Variants in GPT observed in about 807,000 individuals in gnomAD.
The protein encoded by GPT is alanine aminotransferase 1.
GPT carries 60 observed loss-of-function variants against 51.4 expected under a neutral mutation model. The ratio of observed to expected loss-of-function variants is 1.17; its 90% confidence interval spans 0.95 to 1.45. GPT has a LOEUF of 1.45. GPT is among the 40% of genes most tolerant of loss of function. The pLI is 0.00. For missense variants in GPT, 853 were observed against 704.0 expected (o/e 1.21, Z -2.40); for synonymous variants, 397 against 303.1 (o/e 1.31, Z -3.22).
chr8:144,504,843 G>C lies in GPT; in HGVS notation c.325G>C (p.Glu109Gln). 6.2e-7 allele frequency: 1 copy of C among 1,613,526 alleles called. No individual in the cohort carries two copies. Among genetic ancestry groups the C allele is most frequent in the Non-Finnish European group, 8.5e-7 (1 of 1,180,014 alleles). ...CCCTGACGATGCCAAGAAAAGGGCGGAGCGCATCTTGCAGGCGTGTGGGGG... is the reference window on the plus strand; with the variant it reads ...CCCTGACGATGCCAAGAAAAGGGCGCAGCGCATCTTGCAGGCGTGTGGGGG... ...NFPDDAKKRA[E>Q]RILQACGGHS... The change falls in exon 3 of 11, where the codon GAG (glutamate) becomes CAG (glutamine). Residue 109 changes from glutamate to glutamine, a missense_variant. By Grantham distance (29) the Glu-to-Gln change is conservative. Coordinates refer to ENST00000394955, the MANE Select transcript of GPT (RefSeq NM_005309.3).
In GPT at chr8:144,504,369, C is replaced by T. The variant is rs201413052; in HGVS notation, c.65C>T (p.Thr22Met). The T allele has an allele frequency of 4.5e-5, 73 of 1,611,536 alleles. No individual in the cohort carries two copies. Among genetic ancestry groups the T allele is most frequent in the South Asian group, 1.9e-4 (17 of 91,084 alleles). ...VRHGLRAKVL[T>M]LDGMNPRVRR... The stretch of plus-strand genomic sequence containing the variant: ...CATGGACTGAGGGCGAAGGTGCTGA[C>T]GCTGGACGGCATGAACCCGCGTGTG... Residue 22 changes from threonine (T) to methionine (M), a missense_variant, in exon 1 of 11, where the codon ACG becomes ATG. Transcript: ENST00000394955.
chr8:144,506,987 T>C lies in GPT; in HGVS notation c.1478T>C (p.Leu493Pro), dbSNP rs1244666753. ...KLSRFHAKFTLEYS is the reference protein window; with the variant it reads ...KLSRFHAKFTPEYS ...AGCAGGTTCCATGCCAAGTTCACCC[T>C]CGAGTACTCCTGAGCACCCCAGCTG... Residue 493 changes from leucine to proline, a missense_variant, in exon 11 of 11, where the codon CTC becomes CCC. By Grantham distance (98) the Leu-to-Pro change is moderately conservative. Coordinates refer to ENST00000394955, the MANE Select transcript of GPT (RefSeq NM_005309.3). The surrounding 1 kb of genome is among the most constrained non-coding windows in gnomAD (Gnocchi z 7.0). 2 of 1,611,936 alleles carry C rather than the reference T, an allele frequency of 1.2e-6. No individual in the cohort carries two copies. Among genetic ancestry groups the C allele is most frequent in the Non-Finnish European group, 1.7e-6 (2 of 1,179,458 alleles).
In GPT at chr8:144,504,786, G is replaced by A. The variant is rs745778805; in HGVS notation, c.268G>A (p.Val90Ile). 3 of 1,613,704 alleles carry A rather than the reference G, an allele frequency of 1.9e-6. No homozygotes were observed. The highest frequency in any genetic ancestry group is 2.5e-6 in the Non-Finnish European group (3 of 1,180,012). The change falls in exon 3 of 11, where the codon GTT becomes ATT. Residue 90 changes from valine to isoleucine, a missense_variant. Val to Ile is a conservative substitution (Grantham distance 29, BLOSUM62 3). Coordinates refer to ENST00000394955, the MANE Select transcript of GPT (RefSeq NM_005309.3). ...GTCTTCCCAGGTCTTGGCCCTCTGTGTTAACCCTGATCTTCTGAGCAGCCC... is the reference window on the plus strand; with the variant it reads ...GTCTTCCCAGGTCTTGGCCCTCTGTATTAACCCTGATCTTCTGAGCAGCCC... ...TFLRQVLALC[V>I]NPDLLSSPNF...
Position 144,506,343 on chromosome 8 carries a change from C to A in GPT, c.1068C>A (p.Ala356=), listed in dbSNP as rs749577737. Residue 356 remains alanine, a synonymous_variant, in exon 8 of 11, where the codon GCC becomes GCA. Transcript: ENST00000394955. The surrounding 1 kb of genome is among the most constrained non-coding windows in gnomAD (Gnocchi z 7.0). ...TGTGCCCGCCGGTGCCAGGACAGGCCCTGCTGGACCTGGTGGTCAGCCCGC... is the reference window on the plus strand; with the variant it reads ...TGTGCCCGCCGGTGCCAGGACAGGCACTGCTGGACCTGGTGGTCAGCCCGC... ...VRLCPPVPGQ[A]LLDLVVSPPA... is the part of the protein sequence containing the mutation. 5.7e-6 allele frequency: 9 copies of A among 1,577,250 alleles called. No individual in the cohort carries two copies. Among genetic ancestry groups the A allele is most frequent in the Non-Finnish European group, 5.1e-6 (6 of 1,165,560 alleles).
intron 1 of GPT, 57 bp downstream of exon 1, chr8:144,504,523 C>T: frequency 1.9e-6 from 3 of 1,609,000 alleles, no homozygotes; most frequent in Non-Finnish European, 2.5e-6. Flanking sequence ...CCGAGTTGGC[C>T]CCAGCCCCAC....
Position 144,504,364 on chromosome 8 carries a change from G to C in GPT, c.60G>C (p.Val20=). ...QAVRHGLRAK[V]LTLDGMNPRV... is the part of the protein sequence containing the mutation. ...TGAGGCATGGACTGAGGGCGAAGGTGCTGACGCTGGACGGCATGAACCCGC... is the reference window on the plus strand; with the variant it reads ...TGAGGCATGGACTGAGGGCGAAGGTCCTGACGCTGGACGGCATGAACCCGC... The change falls in exon 1 of 11, where the codon GTG becomes GTC. Residue 20 remains valine (V), a synonymous_variant. Transcript: ENST00000394955. The C allele has an allele frequency of 6.2e-7, 1 of 1,611,424 alleles. No homozygotes were observed.
Position 144,505,849 on chromosome 8 carries a change from G to T in GPT, c.741G>T (p.Gly247=). 2 of 1,547,746 alleles carry T rather than the reference G, an allele frequency of 1.3e-6. No homozygotes were observed. Among genetic ancestry groups the T allele is most frequent in the South Asian group, 2.4e-5 (2 of 84,744 alleles). The change falls in exon 6 of 11, where the codon GGG becomes GGT. Residue 247 remains glycine, a splice_region_variant and synonymous_variant. Transcript: ENST00000394955. ...ACTGCTGCCTCCCCGGCACCCCAGG[G>T]CAGGTGCAGACCCGCGAGTGCATCG... is the stretch of plus-strand genomic sequence containing the variant. ...LCVINPGNPT[G]QVQTRECIEA... is the part of the protein sequence containing the mutation.
chr8:144,505,132 G>A lies in GPT; in HGVS notation c.495+1G>A, dbSNP rs768393831. On this transcript the variant is annotated splice_donor_variant, in intron 4 of 10. Coordinates refer to ENST00000394955, the MANE Select transcript of GPT (RefSeq NM_005309.3). LOFTEE classifies it high-confidence loss of function. ...CACAGGGGCCAGCGATGCCATCGTG[G>A]TAGGCTGGGCATGGGCACCAAGACA... 6.2e-7 allele frequency: 1 copy of A among 1,612,962 alleles called. No individual in the cohort carries two copies. Among genetic ancestry groups the A allele is most frequent in the East Asian group, 2.2e-5 (1 of 44,886 alleles).
In GPT at chr8:144,505,335, G is replaced by T. The variant is rs767936601; in HGVS notation, c.585G>T (p.Thr195=). ...PIPQYPLYSA[T]LAELGAVQVD... ...CCCAGTACCCACTCTACTCGGCCAC[G>T]CTGGCAGAGCTGGGCGCAGTGCAGG... Residue 195 remains threonine, a synonymous_variant, in exon 5 of 11, where the codon ACG becomes ACT. Transcript: ENST00000394955. The T allele has an allele frequency of 1.3e-6, 2 of 1,570,944 alleles. No individual in the cohort carries two copies. The highest frequency in any genetic ancestry group is 1.2e-5 in the South Asian group (1 of 86,106).
At position 144,504,803 on chromosome 8, in the gene GPT, G is replaced by C. The variant is rs560271096; in HGVS notation, c.285G>C (p.Leu95=). 8 of 1,613,592 alleles carry C rather than the reference G, an allele frequency of 5.0e-6. No homozygotes were observed. The South Asian group carries it at 6.6e-5, about 13-fold the overall frequency. Residue 95 remains leucine (L), a synonymous_variant, in exon 3 of 11, where the codon CTG becomes CTC. Transcript: ENST00000394955. ...VLALCVNPDL[L]SSPNFPDDAK... ...CCCTCTGTGTTAACCCTGATCTTCT[G>C]AGCAGCCCCAACTTCCCTGACGATG...
At chr8:144,503,599 A>G, upstream of GPT, 1 of 153,236 alleles carries the variant, frequency 6.5e-6, no homozygotes, top group Admixed American at 6.4e-5. Flanking sequence ...GAGCTCTTGC[A>G]GCCTCTGGGC....
In GPT at chr8:144,506,871, C is replaced by T. The variant is rs371985904; in HGVS notation, c.1400+28C>T. ...GAGGCCTGGCCCTCACTCCCTGTCC[C>T]GCCACCCTGGCCCTTCACTCACTGT... On this transcript the variant is annotated intron_variant, in intron 10 of 10. Transcript: ENST00000394955. The surrounding 1 kb of genome is among the most constrained non-coding windows in gnomAD (Gnocchi z 7.0). 1.2e-4 allele frequency: 192 copies of T among 1,611,508 alleles called. No individual in the cohort carries two copies. Among genetic ancestry groups the T allele is most frequent in the Non-Finnish European group, 1.5e-4 (176 of 1,178,798 alleles).
chr8:144,507,102 GGGGT>G lies in GPT; in HGVS notation c.*106_*109del. On this transcript the variant is annotated 3_prime_UTR_variant, in exon 11 of 11. Transcript: ENST00000394955. ...ACTTGCTCTTGATGCCTGGCGGGGTGGGGTGGGGGGGGTGCTGGGCCCCTGCCTC... is the reference window on the plus strand; with the variant it reads ...ACTTGCTCTTGATGCCTGGCGGGGTGGGGGGGGGTGCTGGGCCCCTGCCTC... 2.8e-6 allele frequency: 2 copies of G among 703,968 alleles called. No homozygotes were observed. The highest frequency in any genetic ancestry group is 2.0e-5 in the Admixed American group (1 of 49,456). The allele number at this position is 703,968 out of a possible 1,614,324, so 43.6% of individuals were successfully genotyped here. A position where few individuals can be genotyped will look rare whatever the true frequency, so the allele number is the denominator to read the frequency against.
chr8:144,505,205 C>G (rs748008493), intron 4 of GPT, 41 bp from the exon 5 acceptor site: 1 of 1,612,148 alleles, frequency 6.2e-7, no homozygotes, highest in East Asian at 2.2e-5. Flanking sequence ...CAGGTGCGGC[C>G]CCAGGCCTCG....
In GPT at chr8:144,505,068, C is replaced by T. The variant is rs139107415; in HGVS notation, c.432C>T (p.Asp144=). 1.1e-5 allele frequency: 17 copies of T among 1,613,064 alleles called. No individual in the cohort carries two copies. Among genetic ancestry groups the T allele is most frequent in the South Asian group, 7.7e-5 (7 of 91,090 alleles). The change falls in exon 4 of 11, where the codon GAC becomes GAT. Residue 144 remains aspartate, a synonymous_variant. Transcript: ENST00000394955. The part of the protein sequence containing the change: ...EDVARYIERR[D]GGIPADPNNV... ...TGGCGCGGTACATTGAGAGGCGTGA[C>T]GGAGGCATCCCTGCGGACCCCAACA...
upstream of GPT, among the ~76,000 whole-genome samples, chr8:144,503,427 G>A (rs1368593039): frequency 1.3e-5 from 2 of 152,128 alleles, no homozygotes; most frequent in Non-Finnish European, 2.9e-5. Context: ...GTCACCCCTA[G>A]CCTCGGGTGT....
In GPT at chr8:144,506,923, C is replaced by G. The variant is rs369193887; in HGVS notation, c.1414C>G (p.Pro472Ala). 6.2e-7 allele frequency: 1 copy of G among 1,612,670 alleles called. No homozygotes were observed. Among genetic ancestry groups the G allele is most frequent in the Non-Finnish European group, 8.5e-7 (1 of 1,179,806 alleles). ...AACTCCTTTCAGGATGACCATTCTGCCCCCCTTGGAGAAACTGCGGCTGCT... is the reference window on the plus strand; with the variant it reads ...AACTCCTTTCAGGATGACCATTCTGGCCCCCTTGGAGAAACTGCGGCTGCT... ...GTYHFRMTIL[P>A]PLEKLRLLLE... is the part of the protein sequence containing the mutation. The change falls in exon 11 of 11, where the codon CCC becomes GCC. Residue 472 changes from proline to alanine, a missense_variant. Pro to Ala is a conservative substitution (Grantham distance 27, BLOSUM62 -1). Coordinates refer to ENST00000394955, the MANE Select transcript of GPT (RefSeq NM_005309.3). This position sits in a 1 kb window ranked among gnomAD's most constrained non-coding sequence, Gnocchi z 7.0.
upstream of GPT, chr8:144,503,127 T>A (rs922503132): frequency 7.2e-5 from 11 of 152,228 alleles, no homozygotes; most frequent in Non-Finnish European, 1.5e-4. Flanking sequence ...ACGTGCACGG[T>A]GAGAGGCCTG....
rs747681228 is a variant in GPT at position 144,506,000 on chromosome 8, C to T, written c.825C>T (p.Tyr275=). The T allele has an allele frequency of 6.2e-7, 1 of 1,612,374 alleles. No homozygotes were observed. The highest frequency in any genetic ancestry group is 1.1e-5 in the South Asian group (1 of 91,082). Residue 275 remains tyrosine, a synonymous_variant, in exon 7 of 11, where the codon TAC becomes TAT. Coordinates refer to ENST00000394955, the MANE Select transcript of GPT (RefSeq NM_005309.3). ...GACGCCTTGCGCCCTTCCAGGTGTACCAGGACAACGTGTACGCCGCGGGTT... is the reference window on the plus strand; with the variant it reads ...GACGCCTTGCGCCCTTCCAGGTGTATCAGGACAACGTGTACGCCGCGGGTT... ...ERLFLLADEV[Y]QDNVYAAGSQ...
Sources: gnomAD v4.1 joint callset for allele counts (sites outside exome capture counted in the v4.1 genomes callset) on GRCh38, gnomAD v4.1.1 for gene constraint, Gnocchi (gnomAD v3.1) non-coding constraint, MANE v1.5 for transcripts, NCBI Gene and HGNC (gene_info 2026-07-23, HGNC 2026-07-21) for gene names.